SMAD2: variants seen among roughly 807,000 people sequenced by gnomAD.
The protein encoded by SMAD2 is SMAD family member 2.
Under a neutral mutation model 64.4 loss-of-function variants are expected in SMAD2, and 8 were observed. The ratio of observed to expected loss-of-function variants is 0.12; its 90% CI spans 0.07 to 0.22. SMAD2 has a LOEUF of 0.22. Among genes scored for constraint, SMAD2 ranks in the 10% least tolerant of loss-of-function variants. The pLI, the probability that SMAD2 is intolerant of heterozygous loss-of-function variation, is 1.00. For missense variants in SMAD2, 289 were observed against 561.2 expected, an observed-to-expected ratio of 0.51 and a Z score of 4.90; for synonymous variants, 203 against 195.8, an observed-to-expected ratio of 1.04 and a Z score of -0.31.
chr18:47,819,656 C>T lies in SMAD2; in HGVS notation c.*22171G>A, dbSNP rs2156019. On this transcript the variant is annotated 3_prime_UTR_variant, in exon 11 of 11. Coordinates refer to ENST00000262160, the MANE Select transcript of SMAD2 (RefSeq NM_005901.6). ...CTAAAAATACAAAAAATTGGCTGGG[C>T]GCGGTGGCGGGCGCCTGTAGTCCCA... 0.26 allele frequency: 40,195 copies of T among 151,952 alleles called. 6,511 individuals carry two copies. Among genetic ancestry groups the T allele is most frequent in the East Asian group, 0.39 (2,011 of 5,164 alleles). 9.4% of individuals were successfully genotyped at this position (151,952 alleles called of 1,614,324 possible).
At position 47,833,203 on chromosome 18, in the gene SMAD2, G is replaced by A. The variant is rs1913084996; in HGVS notation, c.*8624C>T. On this transcript the variant is annotated 3_prime_UTR_variant, in exon 11 of 11. Coordinates refer to ENST00000262160, the MANE Select transcript of SMAD2 (RefSeq NM_005901.6). ...GGTAAGAGCAAACAAGGTAAAAAGT[G>A]AAAGCACATACAGATGATGCACACA... 4.8e-6 allele frequency: 1 copy of A among 209,772 alleles called. No individual in the cohort carries two copies. The highest frequency in any genetic ancestry group is 9.7e-6 in the Non-Finnish European group (1 of 102,840). The allele number at this position is 209,772 out of a possible 1,614,324, so 13.0% of individuals were successfully genotyped here. A position where few individuals can be genotyped will look rare whatever the true frequency, so the allele number is the denominator to read the frequency against.
chr18:47,883,209 G>A (rs2032710118), intron 2 of SMAD2, among the ~76,000 whole-genome samples: 1 of 152,172 alleles, frequency 6.6e-6, no homozygotes, highest in Non-Finnish European at 1.5e-5. Flanking sequence ...GTGATATGCT[G>A]TATTTTCATT....
In SMAD2 at chr18:47,837,807, C is replaced by G. The variant is rs958315564; in HGVS notation, c.*4020G>C. The G allele has an allele frequency of 8.6e-6, 2 of 232,756 alleles. No individual in the cohort carries two copies. The highest frequency in any genetic ancestry group is 1.7e-5 in the Non-Finnish European group (2 of 117,812). 14.4% of individuals were successfully genotyped at this position (232,756 alleles called of 1,614,324 possible). ...CACAGACTAGATATCTAAAGAGATA[C>G]TTGGTGGGCAGGGGCTTGGGAGGGA... On this transcript the variant is annotated 3_prime_UTR_variant, in exon 11 of 11. Coordinates refer to ENST00000262160, the MANE Select transcript of SMAD2 (RefSeq NM_005901.6).
At chr18:47,916,592 A>T (rs903210278) in intron 1 of SMAD2, among the ~76,000 whole-genome samples, 2 of 152,058 alleles carry the variant, frequency 1.3e-5, no homozygotes, top group African/African-American at 4.8e-5. Context: ...TTTGATAGAG[A>T]TAGGGCTTCA....
At chr18:47,863,403 A>T (rs2031331798) in intron 6 of SMAD2, among the ~76,000 whole-genome samples, 1 of 152,196 alleles carries the variant, frequency 6.6e-6, no homozygotes, top group South Asian at 2.1e-4. Context: ...CCAACACTGC[A>T]ATTATTTTAG....
chr18:47,850,038 T>A (rs1914949855), intron 7 of SMAD2, among the ~76,000 whole-genome samples: 2 of 149,360 alleles, frequency 1.3e-5, no homozygotes, highest in South Asian at 4.2e-4. Flanking sequence ...ACAATTTGTA[T>A]TAGTTTTTAC....
chr18:47,863,462 A>T (rs146013555), intron 6 of SMAD2, among the ~76,000 whole-genome samples: 2 of 152,326 alleles, frequency 1.3e-5, no homozygotes, highest in Non-Finnish European at 2.9e-5. Flanking sequence ...TTCATTTATC[A>T]TACATAACGA....
At chr18:47,894,199 C>T (rs962844113) in intron 2 of SMAD2, among the ~76,000 whole-genome samples, 1 of 152,198 alleles carries the variant, frequency 6.6e-6, no homozygotes, top group Non-Finnish European at 1.5e-5. Flanking sequence ...CAACTTGAGC[C>T]TTGTTGAAGT....
rs944367833 is a variant in SMAD2 at position 47,857,051 on chromosome 18, G to A, written c.731-5724C>T. 2.6e-5 allele frequency among the ~76,000 whole-genome samples: 4 copies of A among 151,790 alleles called. No homozygotes were observed. The East Asian group carries it at 7.8e-4, about 29-fold the overall frequency. On this transcript the variant is annotated intron_variant, in intron 6 of 10. Coordinates refer to ENST00000262160, the MANE Select transcript of SMAD2 (RefSeq NM_005901.6). ...TTTTTGTATTTTTAGTAGAGACGGG[G>A]TTTCACCGTTTTAGCCGGGATGGTC...
chr18:47,878,878 A>C (rs1039930235), intron 2 of SMAD2, among the ~76,000 whole-genome samples: 1 of 152,184 alleles, frequency 6.6e-6, no homozygotes, highest in African/African-American at 2.4e-5. Context: ...TCATGTATCT[A>C]CTTAACCTCT....
intron 2 of SMAD2, chr18:47,895,833 T>G (rs2033414365): frequency 6.5e-6 from 1 of 152,726 alleles, no homozygotes; most frequent in Non-Finnish European, 1.5e-5. Context: ...AAACTATCAT[T>G]TTAGAGAATT....
intron 8 of SMAD2, among the ~76,000 whole-genome samples, chr18:47,848,120 A>AAAAACAAGAC (rs1914706092): frequency 1.3e-5 from 2 of 151,488 alleles, no homozygotes; most frequent in Admixed American, 6.6e-5. Flanking sequence ...GAAAAAAAAC[A>AAAAACAAGAC]AAAACAAAAC....
rs1913974461 is a variant in SMAD2, at chr18:47,841,756, G to A, written c.*71C>T. ...CTTTTGGATAGTAAACAGTCCATAG[G>A]GACCACACACAATGCTATGACAGAA... On this transcript the variant is annotated 3_prime_UTR_variant, in exon 11 of 11. Coordinates refer to ENST00000262160, the MANE Select transcript of SMAD2 (RefSeq NM_005901.6). 3 of 1,578,584 alleles carry A rather than the reference G, an allele frequency of 1.9e-6. No individual in the cohort carries two copies. The highest frequency in any genetic ancestry group is 2.6e-6 in the Non-Finnish European group (3 of 1,149,118).
intron 6 of SMAD2, among the ~76,000 whole-genome samples, chr18:47,862,363 C>T (rs181148058): frequency 7.2e-5 from 11 of 152,270 alleles, no homozygotes; most frequent in Admixed American, 2.0e-4. Flanking sequence ...CTTTGAAGGA[C>T]CTAAGTCCCA....
At chr18:47,842,591 T>A (rs777802074) in intron 10 of SMAD2, among the ~76,000 whole-genome samples, 45 of 152,040 alleles carry the variant, frequency 3.0e-4, no homozygotes, top group Non-Finnish European at 4.0e-4. Flanking sequence ...GAATCAGGAT[T>A]GTCCAAGCAA....
At chr18:47,854,085 CT>C (rs1159840324) in intron 6 of SMAD2, among the ~76,000 whole-genome samples, 1 of 133,992 alleles carries the variant, frequency 7.5e-6, no homozygotes, top group Non-Finnish European at 1.6e-5. Flanking sequence ...TAATAGAAGC[CT>C]TTAAAAAAAA....
rs150933182 is a variant in SMAD2 at position 47,918,202 on chromosome 18, G to A, written c.-54+12159C>T. Among the ~76,000 whole-genome samples, 198 of 152,272 alleles carry A rather than the reference G, an allele frequency of 1.3e-3. 1 individual carries two copies. The highest frequency in any genetic ancestry group is 1.7e-3 in the Admixed American group (26 of 15,290). ...TGCCTCAACGTTTACTTTCTGCAAAGGGGAAAACAAAATCCCTGGACTAGG... is the reference window on the plus strand; with the variant it reads ...TGCCTCAACGTTTACTTTCTGCAAAAGGGAAAACAAAATCCCTGGACTAGG... On this transcript the variant is annotated intron_variant, in intron 1 of 10. Coordinates refer to ENST00000262160, the MANE Select transcript of SMAD2 (RefSeq NM_005901.6).
intron 1 of SMAD2, among the ~76,000 whole-genome samples, chr18:47,915,988 T>C (rs564603673): frequency 4.4e-4 from 67 of 152,354 alleles, no homozygotes; most frequent in African/African-American, 1.4e-3. Flanking sequence ...AAGTACTAAA[T>C]GTTATCATAT....
rs570997854 is a variant in SMAD2 at position 47,818,949 on chromosome 18, C to G, written c.*22878G>C. 1.3e-5 allele frequency: 2 copies of G among 152,276 alleles called. No individual in the cohort carries two copies. Among genetic ancestry groups the G allele is most frequent in the South Asian group, 4.1e-4 (2 of 4,824 alleles). The allele number at this position is 152,276 out of a possible 1,614,324, so 9.4% of individuals were successfully genotyped here. A position where few individuals can be genotyped will look rare whatever the true frequency, so the allele number is the denominator to read the frequency against. On this transcript the variant is annotated 3_prime_UTR_variant, in exon 11 of 11. Coordinates refer to ENST00000262160, the MANE Select transcript of SMAD2 (RefSeq NM_005901.6). ...GTATTACTATCGTATGACTAAAATTCTAAAATGAAAGCTATGTTTGTGTAT... is the reference window on the plus strand; with the variant it reads ...GTATTACTATCGTATGACTAAAATTGTAAAATGAAAGCTATGTTTGTGTAT...
Sources: allele counts gnomAD v4.1 joint callset (sites outside exome capture counted in the v4.1 genomes callset), GRCh38; gene constraint gnomAD v4.1.1; transcripts MANE v1.5; gene names NCBI Gene and HGNC (gene_info 2026-07-23, HGNC 2026-07-21).